PKHD1: variants seen among roughly 807,000 people sequenced by gnomAD.
PKHD1 encodes PKHD1 ciliary IPT domain containing fibrocystin/polyductin.
Under a neutral mutation model 412.0 loss-of-function variants are expected in PKHD1, and 291 were observed. The observed-to-expected ratio is 0.71, with a 90% CI of 0.64 to 0.78. The LOEUF is 0.78. Ranked by LOEUF, PKHD1 falls within the 30% of genes least tolerant of loss-of-function variation. The pLI is 0.00. For synonymous variants in PKHD1, 1,777 were observed against 1,821.5 expected, an observed-to-expected ratio of 0.98 and a Z score of 0.62; for missense variants, 4,825 against 4,950.7, an observed-to-expected ratio of 0.97 and a Z score of 0.76.
Position 51,762,677 on chromosome 6 carries a change from C to G in PKHD1, c.8643-7739G>C, listed in dbSNP as rs562897233. On this transcript the variant is annotated intron_variant, in intron 55 of 66. Coordinates refer to ENST00000371117, the MANE Select transcript of PKHD1 (RefSeq NM_138694.4). ...TATATATATATATATTTTCAGGTAT[C>G]AAATTCTTTTGGTGAAAATTCATGA... is the stretch of plus-strand genomic sequence containing the variant. Among the ~76,000 whole-genome samples, 263 of 144,714 alleles carry G rather than the reference C, an allele frequency of 1.8e-3. 2 individuals carry two copies. The highest frequency in any genetic ancestry group is 6.1e-3 in the African/African-American group (251 of 40,876). 94.9% of individuals were successfully genotyped at this position (144,714 alleles called of 152,430 possible).
In PKHD1 at chr6:51,830,884, C is replaced by G; in HGVS notation, c.8279G>C (p.Gly2760Ala). Residue 2760 changes from glycine (G) to alanine (A), a missense_variant, in exon 52 of 67, where the codon GGG (glycine) becomes GCG (alanine). Gly to Ala is a moderately conservative substitution (Grantham distance 60, BLOSUM62 0). Coordinates refer to ENST00000371117, the MANE Select transcript of PKHD1 (RefSeq NM_138694.4). ...ACTGGGTAAAATGAGAACGTCATCC[C>G]CAGGGCCTGGAATGGTATTGTTGTA... ...GGYNNTIPGP[G>A]DDVLILPNRT... 6.2e-7 allele frequency: 1 copy of G among 1,612,866 alleles called. No individual in the cohort carries two copies. The highest frequency in any genetic ancestry group is 8.5e-7 in the Non-Finnish European group (1 of 1,179,118).
intron 27 of PKHD1, among the ~76,000 whole-genome samples, chr6:52,040,323 A>G (rs934801153): frequency 2.6e-5 from 4 of 152,124 alleles, no homozygotes; most frequent in Admixed American, 6.6e-5. Flanking sequence ...AAAATATCCT[A>G]CCTATTTCTA....
At chr6:52,071,213 T>C (rs756232125) in intron 8 of PKHD1, 143 bp from the exon 9 acceptor site, 5 of 704,842 alleles carry the variant, frequency 7.1e-6, no homozygotes, top group Non-Finnish European at 1.3e-5. Flanking sequence ...ATGAGTTCAT[T>C]AGGGCAAATG....
At chr6:51,711,765 T>C (rs1441402230) in intron 60 of PKHD1, among the ~76,000 whole-genome samples, 1 of 152,216 alleles carries the variant, frequency 6.6e-6, no homozygotes, top group Non-Finnish European at 1.5e-5. Context: ...TGGAGGGAGT[T>C]CAAAATAAAT....
intron 6 of PKHD1, 79 bp from the exon 7 acceptor site, chr6:52,073,620 G>A: frequency 1.2e-6 from 1 of 868,924 alleles, no homozygotes; most frequent in South Asian, 1.3e-5. Flanking sequence ...TTTCTTTTTG[G>A]TTGTATATAC....
intron 9 of PKHD1, 55 bp from the exon 10 acceptor site, chr6:52,070,500 C>T: frequency 7.4e-7 from 1 of 1,346,450 alleles, no homozygotes; most frequent in Non-Finnish European, 1.1e-6. Flanking sequence ...TCTTCTGGGC[C>T]AGGCCATTGC....
rs779140640 is a variant in PKHD1, at chr6:51,632,660, G to A, written c.11570C>T (p.Ser3857Leu). Residue 3857 changes from serine (S) to leucine (L), a missense_variant, in exon 65 of 67, where the codon TCG becomes TTG. Physicochemically the swap from Ser to Leu is moderately radical, Grantham distance 145 (BLOSUM62 -2). Coordinates refer to ENST00000371117, the MANE Select transcript of PKHD1 (RefSeq NM_138694.4). The part of the protein sequence containing the change: ...AVLPVTRKEK[S>L]TIILAASLSS... Reference sequence around the variant, plus strand: ...CAGGGAAGCAGCCAGGATGATGGTCGACTTCTCCTTCCTAGTCACAGGCAA... The same window carrying A: ...CAGGGAAGCAGCCAGGATGATGGTCAACTTCTCCTTCCTAGTCACAGGCAA... The A allele has an allele frequency of 1.3e-5, 21 of 1,613,188 alleles. No individual in the cohort carries two copies. Among genetic ancestry groups the A allele is most frequent in the East Asian group, 2.2e-5 (1 of 44,870 alleles).
chr6:51,982,807 A>T (rs1204538238), intron 35 of PKHD1, among the ~76,000 whole-genome samples: 105 of 123,992 alleles, frequency 8.5e-4, no homozygotes, highest in South Asian at 6.3e-3. Context: ...AATGATCAAT[A>T]AAAAAAAAAA....
At chr6:51,756,473 T>A (rs889294672) in intron 55 of PKHD1, among the ~76,000 whole-genome samples, 5 of 152,178 alleles carry the variant, frequency 3.3e-5, no homozygotes, top group Admixed American at 3.3e-4. Context: ...AAAAGAGTAT[T>A]CCCACTTTTC....
chr6:51,972,699 G>A (rs1490658131), intron 35 of PKHD1, among the ~76,000 whole-genome samples: 1 of 152,160 alleles, frequency 6.6e-6, no homozygotes, highest in African/African-American at 2.4e-5. Context: ...AGCTCTTAGA[G>A]CCCAGTTTCA....
Position 51,904,052 on chromosome 6 carries a change from A to G in PKHD1, c.6809-10T>C. 1.3e-6 allele frequency: 2 copies of G among 1,571,444 alleles called. No individual in the cohort carries two copies. Among genetic ancestry groups the G allele is most frequent in the Non-Finnish European group, 1.8e-6 (2 of 1,141,484 alleles). On this transcript the variant is annotated splice_polypyrimidine_tract_variant and intron_variant, in intron 41 of 66. Coordinates refer to ENST00000371117, the MANE Select transcript of PKHD1 (RefSeq NM_138694.4). ...ATCTCCGTGCATGTCCCTGAGAACA[A>G]AAGACCCCATTACTTGAGTATATTT...
chr6:51,716,678 AC>A (rs60340199), intron 60 of PKHD1, among the ~76,000 whole-genome samples: 2,663 of 152,030 alleles, frequency 0.018, 79 homozygotes, highest in African/African-American at 0.06. Flanking sequence ...ATTCCATTGG[AC>A]TCAGGGATTG....
Position 51,909,450 on chromosome 6 carries a change from G to A in PKHD1, c.6515C>T (p.Ser2172Phe). Residue 2172 changes from serine to phenylalanine, a missense_variant, in exon 40 of 67, where the codon TCC (serine) becomes TTC (phenylalanine). Physicochemically the swap from Ser to Phe is radical, Grantham distance 155 (BLOSUM62 -2). Coordinates refer to ENST00000371117, the MANE Select transcript of PKHD1 (RefSeq NM_138694.4). ...GGATCCTAGCATCTTCTCACTCATGGAATACAAACAGTGCTGCAGATTACC... is the reference window on the plus strand; with the variant it reads ...GGATCCTAGCATCTTCTCACTCATGAAATACAAACAGTGCTGCAGATTACC... ...PEGNLQHCLY[S>F]MSEKMLGSRD... The A allele has an allele frequency of 6.2e-7, 1 of 1,613,128 alleles. No homozygotes were observed. Among genetic ancestry groups the A allele is most frequent in the Non-Finnish European group, 8.5e-7 (1 of 1,179,332 alleles).
intron 6 of PKHD1, among the ~76,000 whole-genome samples, chr6:52,075,792 C>T (rs184877000): frequency 1.5e-4 from 23 of 152,250 alleles, no homozygotes; most frequent in Admixed American, 1.5e-3. Flanking sequence ...TATTTAGTAT[C>T]TATATGACTT....
chr6:52,004,972 T>C (rs1435657758), intron 35 of PKHD1, among the ~76,000 whole-genome samples: 1 of 152,172 alleles, frequency 6.6e-6, no homozygotes, highest in East Asian at 1.9e-4. Flanking sequence ...TGCAGACTTC[T>C]AGAGTTCCTT....
chr6:51,875,076 A>G (rs1210123874), intron 46 of PKHD1, among the ~76,000 whole-genome samples: 1 of 22,150 alleles, frequency 4.5e-5, no homozygotes, highest in African/African-American at 2.2e-4. Flanking sequence ...ACGGCGCACC[A>G]CGAGACTATA....
intron 35 of PKHD1, among the ~76,000 whole-genome samples, chr6:51,978,781 C>T (rs953863346): frequency 6.6e-6 from 1 of 152,136 alleles, no homozygotes; most frequent in Non-Finnish European, 1.5e-5. Context: ...TTCCTGGATC[C>T]TGTCACCTCC....
chr6:51,622,992 T>C (rs950607216), intron 66 of PKHD1: 1 of 152,162 alleles, frequency 6.6e-6, no homozygotes, highest in Non-Finnish European at 1.5e-5. Context: ...AATGTGCCCA[T>C]ATATTCTTGT....
chr6:51,984,850 A>G (rs1796014599), intron 35 of PKHD1, among the ~76,000 whole-genome samples: 2 of 152,250 alleles, frequency 1.3e-5, no homozygotes, highest in African/African-American at 4.8e-5. Context: ...TTATTCACCA[A>G]ATTAACGTTG....
Sources: gnomAD v4.1 joint callset for allele counts (sites outside exome capture counted in the v4.1 genomes callset) on GRCh38, gnomAD v4.1.1 for gene constraint, MANE v1.5 for transcripts, NCBI Gene and HGNC (gene_info 2026-07-23, HGNC 2026-07-21) for gene names.